PDE6C: variants seen among roughly 807,000 people sequenced by gnomAD.
PDE6C encodes the protein cone cGMP-specific 3',5'-cyclic phosphodiesterase subunit alpha'.
Under a neutral mutation model 113.1 loss-of-function variants are expected in PDE6C, and 75 were observed. That is an observed-to-expected ratio of 0.66 (90% CI 0.55 to 0.80). The LOEUF is 0.80. Among genes scored for constraint, PDE6C ranks in the 30% least tolerant of loss-of-function variants. The probability of loss-of-function intolerance (pLI) is 0.00; values close to 1 mark genes in which losing one functional copy is unlikely to be tolerated. For synonymous variants in PDE6C, 375 were observed against 363.7 expected (o/e 1.03, Z -0.35); for missense variants, 912 against 1,038.6 (o/e 0.88, Z 1.67).
At chr10:93,625,727 C>A (rs1213461134) in intron 5 of PDE6C, 78 bp downstream of exon 5, 2 of 980,348 alleles carry the variant, frequency 2.0e-6, no homozygotes, top group Admixed American at 3.7e-5. Flanking sequence ...GTGCATAGAG[C>A]ACTGGCCTGG....
chr10:93,648,425 T>TATC (rs1315324712), intron 15 of PDE6C, among the ~76,000 whole-genome samples: 1 of 152,202 alleles, frequency 6.6e-6, no homozygotes, highest in Non-Finnish European at 1.5e-5. Flanking sequence ...GATTGTTACC[T>TATC]ATCAGATATT....
chr10:93,616,055 A>G (rs1035785177), intron 1 of PDE6C, among the ~76,000 whole-genome samples: 1 of 152,216 alleles, frequency 6.6e-6, no homozygotes, highest in East Asian at 1.9e-4. Flanking sequence ...CAATGTTTCA[A>G]ATGAAATATC....
At chr10:93,654,810 C>CTTTCTTTTTTT (rs1554891606) in intron 15 of PDE6C, among the ~76,000 whole-genome samples, 5 of 77,098 alleles carry the variant, frequency 6.5e-5, no homozygotes, top group East Asian at 8.9e-4. Flanking sequence ...TTCTTTCTTT[C>CTTTCTTTTTTT]TTTTTTTTTT....
intron 13 of PDE6C, 60 bp from the exon 14 acceptor site, chr10:93,640,860 G>A (rs1405719843): frequency 4.6e-6 from 5 of 1,085,332 alleles, no homozygotes; most frequent in African/African-American, 1.6e-5. Flanking sequence ...GCTGCACTTG[G>A]TATAGAGGTA....
chr10:93,656,999 T>C (rs2133875908), intron 16 of PDE6C, among the ~76,000 whole-genome samples: 1 of 152,262 alleles, frequency 6.6e-6, no homozygotes, highest in East Asian at 1.9e-4. Flanking sequence ...TTTTGCTTTA[T>C]AAGGAGAAAA....
intron 14 of PDE6C, 59 bp from the exon 15 acceptor site, chr10:93,645,901 T>A (rs2134617356): frequency 1.0e-6 from 1 of 952,694 alleles, no homozygotes; most frequent in Middle Eastern, 2.2e-4. Context: ...TCCTGAATTG[T>A]ATGAACCTAT....
chr10:93,663,008 T>C lies in PDE6C; in HGVS notation c.2368-20T>C, dbSNP rs1304996818. The stretch of plus-strand genomic sequence containing the variant: ...TTAACTGTATGATTTATGTAGTTTC[T>C]GACCTAAAATTCCTTTTAGGAGTTC... On this transcript the variant is annotated intron_variant, in intron 20 of 21. Transcript: ENST00000371447. 2.5e-6 allele frequency: 4 copies of C among 1,600,740 alleles called. No individual in the cohort carries two copies. The highest frequency in any genetic ancestry group is 3.4e-6 in the Non-Finnish European group (4 of 1,169,886).
chr10:93,655,911 A>G (rs370909552), intron 16 of PDE6C, 51 bp downstream of exon 16: 5 of 921,278 alleles, frequency 5.4e-6, no homozygotes, highest in Admixed American at 3.4e-5. Flanking sequence ...GTGTGGTTTT[A>G]CCTTCCATAA....
intron 1 of PDE6C, among the ~76,000 whole-genome samples, chr10:93,617,496 A>G (rs1406696064): frequency 6.6e-6 from 1 of 152,184 alleles, no homozygotes; most frequent in African/African-American, 2.4e-5. Context: ...GCTGCCAGCT[A>G]AGCATGGTGG....
chr10:93,640,809 A>G lies in PDE6C; in HGVS notation c.1738-111A>G. 5.2e-6 allele frequency: 4 copies of G among 762,028 alleles called. No individual in the cohort carries two copies. In the South Asian group the frequency reaches 6.0e-5, roughly 11 times the overall value. 47.2% of individuals were successfully genotyped at this position (762,028 alleles called of 1,614,324 possible). A position where few individuals can be genotyped will look rare whatever the true frequency, so the allele number is the denominator to read the frequency against. ...TACAATACTCACAACAAATAAAGTG[A>G]ACTTGCTCCAGAAACCTAGTGGGCC... On this transcript the variant is annotated intron_variant, in intron 13 of 21. Transcript: ENST00000371447.
At chr10:93,636,941 G>A (rs1373782082) in intron 10 of PDE6C, 54 bp from the exon 11 acceptor site, 8 of 924,842 alleles carry the variant, frequency 8.7e-6, no homozygotes, top group African/African-American at 3.2e-5. Context: ...AGAGGAATCA[G>A]ATGGAAATCT....
At chr10:93,645,768 G>GT (rs3085187) in intron 14 of PDE6C, among the ~76,000 whole-genome samples, 192 bp from the exon 15 acceptor site, 130 of 149,690 alleles carry the variant, frequency 8.7e-4, no homozygotes, top group South Asian at 7.9e-3. Flanking sequence ...ACAAATTAAG[G>GT]TTTTTTTTTT....
chr10:93,664,656 T>C (rs893648615), intron 21 of PDE6C, among the ~76,000 whole-genome samples: 2 of 152,202 alleles, frequency 1.3e-5, no homozygotes, highest in South Asian at 2.1e-4. Context: ...TTAAGTGACA[T>C]TGGATATGGA....
Position 93,663,163 on chromosome 10 carries a change from G to A in PDE6C, c.2503G>A (p.Gly835Arg), listed in dbSNP as rs142876079. 1.5e-4 allele frequency: 235 copies of A among 1,613,466 alleles called. 1 individual carries two copies. Among genetic ancestry groups the A allele is most frequent in the Non-Finnish European group, 1.9e-4 (223 of 1,179,778 alleles). The change falls in exon 21 of 22, where the codon GGA (glycine) becomes AGA (arginine). Residue 835 changes from glycine to arginine, a missense_variant. Gly to Arg is a moderately radical substitution (Grantham distance 125). Transcript: ENST00000371447. ...TGAAGAGGAGGCAAAAAAGCAAGAA[G>A]GAGGAGCCGAAAAAGGTTAGATGGG... is the stretch of plus-strand genomic sequence containing the variant. ...VIEEEAKKQE[G>R]GAEKAAEDSG...
chr10:93,660,815 C>T (rs2058662679), intron 18 of PDE6C, among the ~76,000 whole-genome samples: 2 of 152,034 alleles, frequency 1.3e-5, no homozygotes, highest in East Asian at 1.9e-4. Flanking sequence ...CTCGCTAGTA[C>T]CTCAGTTCTG....
intron 4 of PDE6C, among the ~76,000 whole-genome samples, chr10:93,624,361 C>G (rs934332562): frequency 1.3e-5 from 2 of 152,122 alleles, no homozygotes; most frequent in Non-Finnish European, 2.9e-5. Context: ...GATTCTCATG[C>G]CTCAGTAGCT....
At position 93,640,192 on chromosome 10, in the gene PDE6C, G is replaced by A; in HGVS notation, c.1605G>A (p.Val535=). The change falls in exon 12 of 22, where the codon GTG becomes GTA. Residue 535 remains valine (V), a synonymous_variant. Transcript: ENST00000371447. ...GACTGTTTTTTGAAATAAATGTGGT[G>A]GAGAAATTCAAAGTACCTGTAGAGG... ...GIRLFFEINV[V]EKFKVPVEVL... is the part of the protein sequence containing the mutation. The A allele has an allele frequency of 6.2e-7, 1 of 1,613,280 alleles. No homozygotes were observed. The highest frequency in any genetic ancestry group is 8.5e-7 in the Non-Finnish European group (1 of 1,179,274).
Position 93,663,157 on chromosome 10 carries a change from CAAG to C in PDE6C, c.2501_2503del (p.Glu834del), listed in dbSNP as rs757524417. On this transcript the variant is annotated inframe_deletion, in exon 21 of 22. Transcript: ENST00000371447. ...GGTCATTGAAGAGGAGGCAAAAAAG[CAAG>C]AAGGAGGAGCCGAAAAAGGTTAGAT... is the stretch of plus-strand genomic sequence containing the variant. 78 of 1,613,472 alleles carry C rather than the reference CAAG, an allele frequency of 4.8e-5. No homozygotes were observed. Among genetic ancestry groups the C allele is most frequent in the Middle Eastern group, 3.3e-4 (2 of 6,046 alleles).
At position 93,622,161 on chromosome 10, in the gene PDE6C, C is replaced by A. The variant is rs56932253; in HGVS notation, c.864+89C>A. 1.2e-3 allele frequency: 1,552 copies of A among 1,258,324 alleles called. 11 individuals are homozygous for A. In the African/African-American group the frequency reaches 0.019, roughly 15 times the overall value. 77.9% of individuals were successfully genotyped at this position (1,258,324 alleles called of 1,614,324 possible). A position where few individuals can be genotyped will look rare whatever the true frequency, so the allele number is the denominator to read the frequency against. On this transcript the variant is annotated intron_variant, in intron 4 of 21. Coordinates refer to ENST00000371447, the MANE Select transcript of PDE6C (RefSeq NM_006204.4). ...ATGTGATCCTTAAAAAACAGATACACTATGTAAATAATTAGTCATGATTGA... is the reference window on the plus strand; with the variant it reads ...ATGTGATCCTTAAAAAACAGATACAATATGTAAATAATTAGTCATGATTGA...
Sources: gnomAD v4.1 joint callset for allele counts (sites outside exome capture counted in the v4.1 genomes callset) on GRCh38, gnomAD v4.1.1 for gene constraint, MANE v1.5 for transcripts, NCBI Gene and HGNC (gene_info 2026-07-23, HGNC 2026-07-21) for gene names.